CCDC146: variants seen among roughly 807,000 people sequenced by gnomAD.
The protein encoded by CCDC146 is coiled-coil domain-containing protein 146.
A neutral mutation model predicts 119.3 loss-of-function variants in CCDC146; 92 were observed. The ratio of observed to expected loss-of-function variants is 0.77; its 90% CI spans 0.65 to 0.92. The LOEUF (loss-of-function observed/expected upper bound fraction) is 0.92. CCDC146 is among the 40% of genes least tolerant of loss of function. The pLI is 0.00. For synonymous variants in CCDC146, 372 were observed against 371.8 expected (o/e 1.00, Z -0.01); for missense variants, 1,000 against 1,103.0 (o/e 0.91, Z 1.32).
In CCDC146 at chr7:77,294,658, T is replaced by C. The variant is rs1208368142; in HGVS notation, c.2665-5T>C. 2 of 1,614,048 alleles carry C rather than the reference T, an allele frequency of 1.2e-6. No homozygotes were observed. Among genetic ancestry groups the C allele is most frequent in the East Asian group, 2.2e-5 (1 of 44,892 alleles). On this transcript the variant is annotated splice_polypyrimidine_tract_variant and splice_region_variant and intron_variant, in intron 18 of 18. Transcript: ENST00000285871. ...GAACTGAAAAGGAAAAATCATTCTT[T>C]GCAGGAGTTCTTGGAAGCAGATAAT...
chr7:77,291,920 G>C (rs1488543533), intron 17 of CCDC146, among the ~76,000 whole-genome samples: 2 of 152,198 alleles, frequency 1.3e-5, no homozygotes, highest in African/African-American at 4.8e-5. Flanking sequence ...TATAAGCAAA[G>C]AGTAACGTTA....
At chr7:77,126,835 C>T (rs1046896984) in intron 1 of CCDC146, among the ~76,000 whole-genome samples, 12 of 152,086 alleles carry the variant, frequency 7.9e-5, no homozygotes, top group Non-Finnish European at 1.8e-4. Flanking sequence ...TGGAAGAGGC[C>T]CCATGAGTCC....
intron 2 of CCDC146, among the ~76,000 whole-genome samples, chr7:77,188,090 T>C (rs1427796582): frequency 6.6e-6 from 1 of 152,160 alleles, no homozygotes; most frequent in Non-Finnish European, 1.5e-5. Flanking sequence ...CACTTTACCT[T>C]TTTTGTCTAT....
At chr7:77,265,891 A>C (rs1203324838) in intron 9 of CCDC146, among the ~76,000 whole-genome samples, 1 of 152,240 alleles carries the variant, frequency 6.6e-6, no homozygotes, top group African/African-American at 2.4e-5. Context: ...TGCCTGCCAT[A>C]GGCAGAAAGA....
At chr7:77,156,155 A>C (rs1791176412) in intron 1 of CCDC146, among the ~76,000 whole-genome samples, 1 of 152,192 alleles carries the variant, frequency 6.6e-6, no homozygotes, top group Admixed American at 6.5e-5. Context: ...TTCCTCATGG[A>C]TTACACATGC....
rs777793029 is a variant in CCDC146, at chr7:77,254,491, T to A, written c.450-15T>A. On this transcript the variant is annotated splice_polypyrimidine_tract_variant and intron_variant, in intron 4 of 18. Coordinates refer to ENST00000285871, the MANE Select transcript of CCDC146 (RefSeq NM_020879.3). The stretch of plus-strand genomic sequence containing the variant: ...TTCTTTGTACTTTTTCAAACTTGAT[T>A]TTTTTTTTTTGCAGCTTAAAGGAAG... 52 of 1,344,980 alleles carry A rather than the reference T, an allele frequency of 3.9e-5. No homozygotes were observed. Among genetic ancestry groups the A allele is most frequent in the Admixed American group, 1.3e-4 (6 of 47,616 alleles). 83.3% of individuals were successfully genotyped at this position (1,344,980 alleles called of 1,614,324 possible).
At chr7:77,266,114 A>G (rs1418830438) in intron 9 of CCDC146, among the ~76,000 whole-genome samples, 1 of 152,216 alleles carries the variant, frequency 6.6e-6, no homozygotes, top group East Asian at 1.9e-4. Flanking sequence ...CTCTGACACC[A>G]TCATGTTGTA....
At chr7:77,139,141 C>T (rs985900485) in intron 1 of CCDC146, among the ~76,000 whole-genome samples, 5 of 152,194 alleles carry the variant, frequency 3.3e-5, no homozygotes, top group African/African-American at 1.2e-4. Context: ...AATAAATAAA[C>T]TTTGACACAT....
At chr7:77,271,039 C>A (rs1793501091) in intron 9 of CCDC146, among the ~76,000 whole-genome samples, 1 of 125,068 alleles carries the variant, frequency 8.0e-6, no homozygotes, top group Non-Finnish European at 1.6e-5. Context: ...CTCCTGGATA[C>A]ATTGCAGCTC....
intron 2 of CCDC146, among the ~76,000 whole-genome samples, chr7:77,220,030 T>G (rs535637858): frequency 1.3e-5 from 2 of 152,052 alleles, no homozygotes; most frequent in African/African-American, 4.8e-5. Context: ...GGAAACAGGG[T>G]TCAAGAGCAG....
rs556450991 is a variant in CCDC146 at position 77,261,605 on chromosome 7, GT to G, written c.987-515del. Among the ~76,000 whole-genome samples the G allele has an allele frequency of 5.6e-4, 86 of 152,222 alleles. 1 individual carries two copies. The South Asian group carries it at 0.018, about 31-fold the overall frequency. ...CCATTCTCCTGCCTCAGCCTCCCGA[GT>G]AGCTGGGACTACAGGCGCCCGCCAC... On this transcript the variant is annotated intron_variant, in intron 8 of 18. Transcript: ENST00000285871.
intron 17 of CCDC146, among the ~76,000 whole-genome samples, chr7:77,291,191 G>C (rs1793936202): frequency 6.6e-6 from 1 of 152,144 alleles, no homozygotes; most frequent in African/African-American, 2.4e-5. Flanking sequence ...CAAAAAATAA[G>C]GCAAGGTAAG....
chr7:77,275,949 G>A (rs1793626056), intron 11 of CCDC146, among the ~76,000 whole-genome samples: 1 of 152,134 alleles, frequency 6.6e-6, no homozygotes, highest in Admixed American at 6.5e-5. Flanking sequence ...ACTCATGCCT[G>A]TAATCTCAGC....
intron 1 of CCDC146, among the ~76,000 whole-genome samples, chr7:77,146,168 A>G (rs1486493005): frequency 6.6e-6 from 1 of 152,002 alleles, no homozygotes; most frequent in Non-Finnish European, 1.5e-5. Flanking sequence ...CCATTATGTA[A>G]TGGCCTTCTT....
chr7:77,133,636 G>A (rs894678474), intron 1 of CCDC146, among the ~76,000 whole-genome samples: 3 of 144,550 alleles, frequency 2.1e-5, no homozygotes, highest in South Asian at 2.2e-4. Flanking sequence ...GAGCCACCAC[G>A]CCCAGCCTGG....
chr7:77,228,127 T>C (rs997852995), intron 2 of CCDC146, among the ~76,000 whole-genome samples: 1 of 152,258 alleles, frequency 6.6e-6, no homozygotes, highest in Non-Finnish European at 1.5e-5. Flanking sequence ...TGCTCATTGT[T>C]GTTAATGTGG....
chr7:77,169,075 G>T (rs1250744021), intron 2 of CCDC146, among the ~76,000 whole-genome samples: 1 of 151,952 alleles, frequency 6.6e-6, no homozygotes, highest in Non-Finnish European at 1.5e-5. Flanking sequence ...CATCTCTTTA[G>T]TCTCCTTTAA....
chr7:77,201,702 A>G (rs940762367), intron 2 of CCDC146, among the ~76,000 whole-genome samples: 1 of 152,148 alleles, frequency 6.6e-6, no homozygotes, highest in East Asian at 1.9e-4. Context: ...CCATCTTCAT[A>G]TAGCTCTTTC....
intron 1 of CCDC146, among the ~76,000 whole-genome samples, chr7:77,124,940 T>TAGCCTGGAAAAGGCTAAA (rs1790672103): frequency 1.3e-5 from 2 of 152,072 alleles, no homozygotes; most frequent in African/African-American, 4.8e-5. Flanking sequence ...TGCCTGTAAT[T>TAGCCTGGAAAAGGCTAAA]TCAGCACTTT....
Sources: gnomAD v4.1 joint callset for allele counts (sites outside exome capture counted in the v4.1 genomes callset) on GRCh38, gnomAD v4.1.1 for gene constraint, MANE v1.5 for transcripts, NCBI Gene and HGNC (gene_info 2026-07-23, HGNC 2026-07-21) for gene names.